The following CAMK2A variants were observed in gnomAD, a reference collection of about 807,000 sequenced individuals.
The protein encoded by CAMK2A is calcium/calmodulin dependent protein kinase II alpha.
CAMK2A carries 7 observed loss-of-function variants against 79.2 expected under a neutral mutation model. That is an observed-to-expected ratio of 0.09 (90% CI 0.05 to 0.17). The LOEUF (loss-of-function observed/expected upper bound fraction) is 0.17. Among genes scored for constraint, CAMK2A ranks in the 10% least tolerant of loss-of-function variants. The probability of loss-of-function intolerance (pLI) is 1.00; values close to 1 mark genes in which losing one functional copy is unlikely to be tolerated. For missense variants in CAMK2A, 214 were observed against 646.4 expected, an observed-to-expected ratio of 0.33 and a Z score of 7.25; for synonymous variants, 242 against 251.7, an observed-to-expected ratio of 0.96 and a Z score of 0.36.
At chr5:150,247,459 GA>G (rs959195034) in intron 12 of CAMK2A, among the ~76,000 whole-genome samples, 15 of 152,340 alleles carry the variant, frequency 9.8e-5, no homozygotes, top group African/African-American at 3.6e-4. Context: ...ACCCCATCTA[GA>G]ACTCAATCCC....
At chr5:150,224,060 T>C (rs1754479916) in intron 17 of CAMK2A, among the ~76,000 whole-genome samples, 1 of 152,202 alleles carries the variant, frequency 6.6e-6, no homozygotes, top group African/African-American at 2.4e-5. Context: ...CATGGGACTT[T>C]CCAGCGTTAG....
In CAMK2A at chr5:150,223,125, G is replaced by C; in HGVS notation, c.1330C>G (p.Arg444Gly). Reference sequence around the variant, plus strand: ...CCAGCGTCCAGGTACTGCGTGATGCGGATGTAGGCGATGCAGGCTGACTCG... The same window carrying C: ...CCAGCGTCCAGGTACTGCGTGATGCCGATGTAGGCGATGCAGGCTGACTCG... ...GDESACIAYI[R>G]ITQYLDAGGI... Residue 444 changes from arginine to glycine, a missense_variant, in exon 18 of 19, where the codon CGC (arginine) becomes GGC (glycine). By Grantham distance (125) the Arg-to-Gly change is moderately radical (BLOSUM62 -2). Coordinates refer to ENST00000671881, the MANE Select transcript of CAMK2A (RefSeq NM_015981.4). This position sits in a 1 kb window ranked among gnomAD's most constrained non-coding sequence, Gnocchi z 4.1. 1.9e-6 allele frequency: 3 copies of C among 1,614,150 alleles called. No homozygotes were observed. Among genetic ancestry groups the C allele is most frequent in the Non-Finnish European group, 2.5e-6 (3 of 1,180,032 alleles).
At chr5:150,281,131 C>T (rs985512850) in intron 1 of CAMK2A, among the ~76,000 whole-genome samples, 1 of 152,198 alleles carries the variant, frequency 6.6e-6, no homozygotes, top group Non-Finnish European at 1.5e-5. Flanking sequence ...TACTCATTAT[C>T]TTGCCTAGAT....
In CAMK2A at chr5:150,222,686, A is replaced by G; in HGVS notation, c.*24T>C. On this transcript the variant is annotated 3_prime_UTR_variant, in exon 19 of 19. Transcript: ENST00000671881. ...CAGAGTGGATCTCTGCGGCACAGCA[A>G]CGCAGCGACCCCAGCCTGGTCCCTC... 2 of 1,613,576 alleles carry G rather than the reference A, an allele frequency of 1.2e-6. No homozygotes were observed. The highest frequency in any genetic ancestry group is 1.7e-6 in the Non-Finnish European group (2 of 1,179,572).
At chr5:150,258,753 C>T (rs1166601585) in intron 3 of CAMK2A, among the ~76,000 whole-genome samples, 2 of 152,000 alleles carry the variant, frequency 1.3e-5, no homozygotes, top group African/African-American at 4.8e-5. Flanking sequence ...ATATTGAGTC[C>T]CCTGAATTGT....
chr5:150,230,155 T>C (rs1483342489), intron 16 of CAMK2A, among the ~76,000 whole-genome samples: 6 of 151,766 alleles, frequency 4.0e-5, no homozygotes, highest in African/African-American at 1.2e-4. Context: ...CCGTCTCTAC[T>C]AAAAATACAA....
chr5:150,260,227 C>A (rs1756244016), intron 3 of CAMK2A, among the ~76,000 whole-genome samples: 1 of 152,002 alleles, frequency 6.6e-6, no homozygotes, highest in Admixed American at 6.6e-5. Context: ...GAGGCTGAGG[C>A]GGGTGGAACA....
chr5:150,257,717 C>T, intron 3 of CAMK2A, 100 bp from the exon 4 acceptor site: 1 of 927,750 alleles, frequency 1.1e-6, no homozygotes, highest in Non-Finnish European at 1.7e-6. Context: ...CCCCCCGCTC[C>T]CAGACAGTCA....
In CAMK2A at chr5:150,227,541, C is replaced by T. The variant is rs371599143; in HGVS notation, c.1237+651G>A. ...TTTTGGTTCATCCCTATCTGACCCC[C>T]GGCCTAGGGAAAGACAGACACAGGC... On this transcript the variant is annotated intron_variant, in intron 17 of 18. Coordinates refer to ENST00000671881, the MANE Select transcript of CAMK2A (RefSeq NM_015981.4). 1.6e-4 allele frequency among the ~76,000 whole-genome samples: 25 copies of T among 152,282 alleles called. No homozygotes were observed. The East Asian group carries it at 4.6e-3, about 28-fold the overall frequency.
At chr5:150,267,180 C>A (rs978187826) in intron 2 of CAMK2A, among the ~76,000 whole-genome samples, 1 of 152,210 alleles carries the variant, frequency 6.6e-6, no homozygotes, top group African/African-American at 2.4e-5. Flanking sequence ...AGGCTGACTT[C>A]TGGGCAGAGG....
chr5:150,252,812 T>G (rs940592484), intron 7 of CAMK2A, among the ~76,000 whole-genome samples: 1 of 152,200 alleles, frequency 6.6e-6, no homozygotes, highest in Admixed American at 6.5e-5. Flanking sequence ...ATTTTACAGA[T>G]GAGGAACGAA....
chr5:150,270,186 T>C (rs1479168673), intron 2 of CAMK2A, among the ~76,000 whole-genome samples: 1 of 152,228 alleles, frequency 6.6e-6, no homozygotes, highest in Non-Finnish European at 1.5e-5. Context: ...TGTTAATAGC[T>C]ACTGTTACTG....
At chr5:150,280,111 C>T (rs1266959680) in intron 1 of CAMK2A, among the ~76,000 whole-genome samples, 1 of 152,198 alleles carries the variant, frequency 6.6e-6, no homozygotes, top group Non-Finnish European at 1.5e-5. Context: ...CCTTCTGGGG[C>T]TATTTGTGAG....
At chr5:150,246,976 G>A (rs554542913) in intron 12 of CAMK2A, among the ~76,000 whole-genome samples, 33 of 152,324 alleles carry the variant, frequency 2.2e-4, no homozygotes, top group Middle Eastern at 3.4e-3. Flanking sequence ...GCCTGCCAGC[G>A]GCCTGCGCTC....
chr5:150,265,395 C>T (rs1429200855), intron 2 of CAMK2A: 1 of 192,114 alleles, frequency 5.2e-6, no homozygotes, highest in East Asian at 1.1e-4. Context: ...GAGAATTGCA[C>T]ATGCGGTTCT....
intron 15 of CAMK2A, among the ~76,000 whole-genome samples, chr5:150,232,554 C>T (rs1349842795): frequency 1.3e-5 from 2 of 152,204 alleles, no homozygotes; most frequent in East Asian, 3.8e-4. Flanking sequence ...GCTCCGTCTC[C>T]CAGAGGCAGG....
At chr5:150,283,692 A>C (rs900781041) in intron 1 of CAMK2A, among the ~76,000 whole-genome samples, 5 of 152,198 alleles carry the variant, frequency 3.3e-5, no homozygotes, top group African/African-American at 1.2e-4. Flanking sequence ...GTTGCATGTA[A>C]ATAATGATTT....
chr5:150,257,705 C>T (rs1204724690), intron 3 of CAMK2A, 88 bp from the exon 4 acceptor site: 10 of 1,029,664 alleles, frequency 9.7e-6, no homozygotes, highest in Non-Finnish European at 1.3e-5. Flanking sequence ...GTATATCCAA[C>T]ACCCCCCGCT....
chr5:150,222,378 G>A lies in CAMK2A; in HGVS notation c.*332C>T, dbSNP rs1754357738. The A allele has an allele frequency of 6.3e-6, 4 of 636,324 alleles. No homozygotes were observed. The East Asian group carries it at 8.2e-5, about 13-fold the overall frequency. 39.4% of individuals were successfully genotyped at this position (636,324 alleles called of 1,614,324 possible). On this transcript the variant is annotated 3_prime_UTR_variant, in exon 19 of 19. Coordinates refer to ENST00000671881, the MANE Select transcript of CAMK2A (RefSeq NM_015981.4). ...CAGCCCCTGGTGGGCACCAGCCCGG[G>A]CATTCTAGCCTACAGCCCAAGACAG...
Sources: allele counts gnomAD v4.1 joint callset (sites outside exome capture counted in the v4.1 genomes callset), GRCh38; gene constraint gnomAD v4.1.1; non-coding constraint Gnocchi (gnomAD v3.1); transcripts MANE v1.5; gene names NCBI Gene and HGNC (gene_info 2026-07-23, HGNC 2026-07-21).